Variants in WASHC3 observed in about 807,000 individuals in gnomAD.
WASHC3 encodes the protein WASH complex subunit CCDC53.
In WASHC3, 24 loss-of-function variants were observed where a neutral mutation model predicts 26.1. That is an observed-to-expected ratio of 0.92 (90% CI 0.66 to 1.29). The LOEUF is 1.29. Ranked by LOEUF, WASHC3 falls within the 50% of genes most tolerant of loss-of-function variation. The probability of loss-of-function intolerance (pLI) is 0.00; values close to 1 mark genes in which losing one functional copy is unlikely to be tolerated. For synonymous variants in WASHC3, 77 were observed against 75.7 expected, an observed-to-expected ratio of 1.02 and a Z score of -0.09; for missense variants, 214 against 229.6, an observed-to-expected ratio of 0.93 and a Z score of 0.44.
intron 5 of WASHC3, among the ~76,000 whole-genome samples, chr12:102,038,906 T>C (rs1464922374): frequency 6.6e-6 from 1 of 152,044 alleles, no homozygotes; most frequent in African/African-American, 2.4e-5. Context: ...TTAGTATTAG[T>C]ATTGTGCTTC....
chr12:102,060,040 A>G (rs544690479), intron 2 of WASHC3, among the ~76,000 whole-genome samples: 230 of 152,360 alleles, frequency 1.5e-3, no homozygotes, highest in Admixed American at 2.9e-3. Context: ...CTGGAATTTC[A>G]TACAAGTAAA....
chr12:102,028,581 C>G (rs66500550), intron 5 of WASHC3, among the ~76,000 whole-genome samples: 12,456 of 151,046 alleles, frequency 0.082, 762 homozygotes, highest in East Asian at 0.29. Context: ...AAAAGAGAAG[C>G]AAGGAGAATG....
chr12:102,023,257 AT>A (rs1159528947), intron 6 of WASHC3, among the ~76,000 whole-genome samples: 1 of 152,142 alleles, frequency 6.6e-6, no homozygotes, highest in Non-Finnish European at 1.5e-5. Context: ...ACATAAGCCA[AT>A]CAACTATAAA....
chr12:102,045,936 T>G (rs990764248), intron 3 of WASHC3, 118 bp downstream of exon 3: 2 of 615,594 alleles, frequency 3.2e-6, no homozygotes, highest in Non-Finnish European at 5.8e-6. Context: ...CCAGTATCAC[T>G]TCACAGATAC....
intron 5 of WASHC3, among the ~76,000 whole-genome samples, chr12:102,033,008 G>A (rs1045442735): frequency 2.0e-5 from 3 of 152,028 alleles, no homozygotes; most frequent in Non-Finnish European, 4.4e-5. Flanking sequence ...GGACTGTGTT[G>A]GTTTTTGTAC....
chr12:102,045,532 A>G (rs563074400), intron 3 of WASHC3, among the ~76,000 whole-genome samples: 12 of 152,334 alleles, frequency 7.9e-5, no homozygotes, highest in African/African-American at 2.9e-4. Context: ...GAAACCAAAG[A>G]CATCACTGTT....
chr12:102,023,450 A>G (rs981158514), intron 6 of WASHC3, among the ~76,000 whole-genome samples: 9 of 152,214 alleles, frequency 5.9e-5, no homozygotes, highest in Admixed American at 4.6e-4. Flanking sequence ...ATCTTTACTG[A>G]AAGTTCTTGG....
At chr12:102,020,035 C>G (rs1484743255) in intron 6 of WASHC3, among the ~76,000 whole-genome samples, 2 of 152,186 alleles carry the variant, frequency 1.3e-5, no homozygotes, top group African/African-American at 4.8e-5. Context: ...CCTGGCCAAT[C>G]ACAGGAATCT....
At chr12:102,042,408 T>C (rs148064531) in intron 4 of WASHC3, among the ~76,000 whole-genome samples, 1 of 152,314 alleles carries the variant, frequency 6.6e-6, no homozygotes, top group African/African-American at 2.4e-5. Flanking sequence ...CCTCAATATG[T>C]TTAAATAAAT....
intron 6 of WASHC3, among the ~76,000 whole-genome samples, chr12:102,024,236 G>A (rs1436316323): frequency 4.6e-5 from 7 of 152,164 alleles, no homozygotes; most frequent in Admixed American, 4.6e-4. Context: ...ATACTAAGAT[G>A]TTAGACTACA....
intron 6 of WASHC3, among the ~76,000 whole-genome samples, chr12:102,020,713 A>C (rs570270444): frequency 6.6e-6 from 1 of 152,356 alleles, no homozygotes; most frequent in South Asian, 2.1e-4. Flanking sequence ...TGGAAACTAC[A>C]CACACATAAA....
chr12:102,048,789 T>G (rs2136680076), intron 2 of WASHC3, among the ~76,000 whole-genome samples: 1 of 152,354 alleles, frequency 6.6e-6, no homozygotes, highest in South Asian at 2.1e-4. Flanking sequence ...AGTATATAAC[T>G]GGTTTCTTTT....
chr12:102,018,804 A>T (rs1170644231), intron 6 of WASHC3, among the ~76,000 whole-genome samples: 1 of 150,550 alleles, frequency 6.6e-6, no homozygotes, highest in East Asian at 2.0e-4. Flanking sequence ...ATTTATTTAG[A>T]GATGAAGTCT....
chr12:102,026,415 T>G (rs1054363333), intron 5 of WASHC3, among the ~76,000 whole-genome samples: 2 of 152,180 alleles, frequency 1.3e-5, no homozygotes, highest in African/African-American at 4.8e-5. Flanking sequence ...AATAGGTATC[T>G]TTTCAAAGAT....
chr12:102,021,731 T>C (rs1213506001), intron 6 of WASHC3, among the ~76,000 whole-genome samples: 2 of 152,182 alleles, frequency 1.3e-5, no homozygotes, highest in Non-Finnish European at 1.5e-5. Flanking sequence ...CGGCCAAAAC[T>C]CAACCTTTAA....
chr12:102,044,123 G>T lies in WASHC3; in HGVS notation c.306C>A (p.Ala102=). The T allele has an allele frequency of 6.3e-7, 1 of 1,599,890 alleles. No homozygotes were observed. Reference sequence around the variant, plus strand: ...CACTTACCTGTGGTTGCTCTGAAGTGGCTTCAGGATGTGCTCCATTTGTGA... The same window carrying T: ...CACTTACCTGTGGTTGCTCTGAAGTTGCTTCAGGATGTGCTCCATTTGTGA... ...TSVTNGAHPE[A]TSEQPQQNST... Residue 102 remains alanine, a synonymous_variant, in exon 4 of 7, where the codon GCC becomes GCA. Transcript: ENST00000240079.
chr12:102,051,110 GAAGA>G (rs1878376991), intron 2 of WASHC3, among the ~76,000 whole-genome samples: 2 of 152,262 alleles, frequency 1.3e-5, no homozygotes. Flanking sequence ...TGCCACTGAT[GAAGA>G]AAGAACCCTA....
intron 4 of WASHC3, among the ~76,000 whole-genome samples, chr12:102,040,778 T>C (rs1410623103): frequency 1.3e-5 from 2 of 152,096 alleles, no homozygotes; most frequent in Admixed American, 1.3e-4. Context: ...ACTGCCTGTA[T>C]ACAGTACTTG....
rs190072313 is a variant in WASHC3 at position 102,056,640 on chromosome 12, C to A, written c.150+4608G>T. Among the ~76,000 whole-genome samples, 12 of 152,184 alleles carry A rather than the reference C, an allele frequency of 7.9e-5. No homozygotes were observed. The East Asian group carries it at 2.3e-3, about 29-fold the overall frequency. The stretch of plus-strand genomic sequence containing the variant: ...AAGGCTCATAAGAGATTGCTATGAC[C>A]AATTATATGCCAACAGATTGGATAA... On this transcript the variant is annotated intron_variant, in intron 2 of 6. Coordinates refer to ENST00000240079, the MANE Select transcript of WASHC3 (RefSeq NM_016053.4).
Sources: gnomAD v4.1 joint callset for allele counts (sites outside exome capture counted in the v4.1 genomes callset) on GRCh38, gnomAD v4.1.1 for gene constraint, MANE v1.5 for transcripts, NCBI Gene and HGNC (gene_info 2026-07-23, HGNC 2026-07-21) for gene names.